Variants in GALNT15 observed in about 807,000 individuals in gnomAD.
The protein encoded by GALNT15 is UDP-GalNAc transferase T15.
In GALNT15, 67 loss-of-function variants were observed where a neutral mutation model predicts 66.8. That is an observed-to-expected ratio of 1.00 (90% CI 0.82 to 1.23). GALNT15 has a LOEUF of 1.23. Among genes scored for constraint, GALNT15 ranks in the 50% most tolerant of loss-of-function variants. The probability of loss-of-function intolerance (pLI) is 0.00; values close to 1 mark genes in which losing one functional copy is unlikely to be tolerated. For missense variants in GALNT15, 827 were observed against 804.3 expected (o/e 1.03, Z -0.34); for synonymous variants, 313 against 311.5 (o/e 1.00, Z -0.05).
downstream of GALNT15, among the ~76,000 whole-genome samples, chr3:16,235,971 G>T (rs997929835): frequency 6.6e-6 from 1 of 151,784 alleles, no homozygotes; most frequent in African/African-American, 2.4e-5. Context: ...TGGGCATGGT[G>T]GCGGGTGCCT....
rs1477233212 is a variant in GALNT15 at position 16,227,108 on chromosome 3, A to C, written c.1774-246A>C. Among the ~76,000 whole-genome samples the C allele has an allele frequency of 1.3e-5, 2 of 152,246 alleles. No homozygotes were observed. The highest frequency in any genetic ancestry group is 2.9e-5 in the Non-Finnish European group (2 of 68,042). On this transcript the variant is annotated intron_variant, in intron 9 of 9. Transcript: ENST00000339732. This position sits in a 1 kb window ranked among gnomAD's most constrained non-coding sequence, Gnocchi z 4.5. The stretch of plus-strand genomic sequence containing the variant: ...TATACTAACCATAACTTTCTAAGAA[A>C]TGGTGCAATTACACAACTACAATAA...
chr3:16,246,564 T>C, the GALNT15 span, among the ~76,000 whole-genome samples: 6,724 of 152,132 alleles, frequency 0.044, 200 homozygotes, highest in Middle Eastern at 0.088. Context: ...CCTCGTGATC[T>C]GCCCTCCTCG....
chr3:16,220,312 C>T (rs2063929657), intron 8 of GALNT15: 1 of 384,384 alleles, frequency 2.6e-6, no homozygotes, highest in Non-Finnish European at 4.9e-6. Context: ...GGCTTAGGGT[C>T]ACTAGCCCAG....
chr3:16,231,339 C>G (rs2064080099), downstream of GALNT15, among the ~76,000 whole-genome samples: 1 of 152,182 alleles, frequency 6.6e-6, no homozygotes, highest in Non-Finnish European at 1.5e-5. The surrounding 1 kb of genome is among the most constrained non-coding windows in gnomAD (Gnocchi z 4.1). Context: ...ATAATAGTCC[C>G]TCCAATCTCA....
chr3:16,234,480 G>C (rs1293392039), downstream of GALNT15, among the ~76,000 whole-genome samples: 3 of 152,142 alleles, frequency 2.0e-5, no homozygotes, highest in Non-Finnish European at 4.4e-5. Context: ...TCTCCCATGG[G>C]ATAGCTCTGA....
intron 1 of GALNT15, among the ~76,000 whole-genome samples, chr3:16,185,016 G>A (rs1303240620): frequency 6.6e-6 from 1 of 152,198 alleles, no homozygotes; most frequent in East Asian, 1.9e-4. Flanking sequence ...GCCATTAGAA[G>A]TTGGGCCGTC....
In GALNT15 at chr3:16,203,523, TC is replaced by T. The variant is rs1160313951; in HGVS notation, c.911+2701del. 4.4e-4 allele frequency among the ~76,000 whole-genome samples: 8 copies of T among 18,230 alleles called. No homozygotes were observed. Among genetic ancestry groups the T allele is most frequent in the East Asian group, 2.3e-3 (1 of 434 alleles). The allele number at this position is 18,230 out of a possible 152,430, so 12.0% of individuals were successfully genotyped here. ...CTCTCTGTCTCTTGGTCACTCATTC[TC>T]TCTCTCTCTCTCTCTCTCTCACACA... On this transcript the variant is annotated intron_variant, in intron 3 of 9. Coordinates refer to ENST00000339732, the MANE Select transcript of GALNT15 (RefSeq NM_054110.5). This position sits in a 1 kb window ranked among gnomAD's most constrained non-coding sequence, Gnocchi z 6.2.
In GALNT15 at chr3:16,225,843, C is replaced by T. The variant is rs943198815; in HGVS notation, c.1774-1511C>T. Among the ~76,000 whole-genome samples the T allele has an allele frequency of 2.0e-5, 3 of 152,100 alleles. No individual in the cohort carries two copies. The highest frequency in any genetic ancestry group is 3.4e-3 in the Middle Eastern group (1 of 294). On this transcript the variant is annotated intron_variant, in intron 9 of 9. Coordinates refer to ENST00000339732, the MANE Select transcript of GALNT15 (RefSeq NM_054110.5). This position sits in a 1 kb window ranked among gnomAD's most constrained non-coding sequence, Gnocchi z 4.4. ...CTTGAGGTCAGGAGTTCGAGACCAG[C>T]CTGGCCAATATGGGTTTTTAGTAGA...
chr3:16,177,178 A>C (rs2063419260), intron 1 of GALNT15, among the ~76,000 whole-genome samples: 1 of 152,192 alleles, frequency 6.6e-6, no homozygotes, highest in African/African-American at 2.4e-5. Flanking sequence ...GTACATCCCA[A>C]AGCCCAACAT....
intron 3 of GALNT15, among the ~76,000 whole-genome samples, chr3:16,207,468 C>A (rs546350507): frequency 3.6e-4 from 48 of 134,972 alleles, no homozygotes; most frequent in Middle Eastern, 8.8e-3. Context: ...ATGTCAATTT[C>A]TCACATCACT....
rs971509227 is a variant in GALNT15, at chr3:16,193,121, G to A, written c.540-2639G>A. ...CGATTTCAAAATAAAAAGTGGTAAAGTGGGAATTGAAAGAAAAAATTACTA... is the reference window on the plus strand; with the variant it reads ...CGATTTCAAAATAAAAAGTGGTAAAATGGGAATTGAAAGAAAAAATTACTA... On this transcript the variant is annotated intron_variant, in intron 1 of 9. Transcript: ENST00000339732. The surrounding 1 kb of genome is among the most constrained non-coding windows in gnomAD (Gnocchi z 4.7). Among the ~76,000 whole-genome samples, 2 of 152,218 alleles carry A rather than the reference G, an allele frequency of 1.3e-5. No homozygotes were observed. The highest frequency in any genetic ancestry group is 2.9e-5 in the Non-Finnish European group (2 of 68,020).
chr3:16,211,047 G>A lies in GALNT15; in HGVS notation c.1080-77G>A. 1 of 1,042,046 alleles carries A rather than the reference G, an allele frequency of 9.6e-7. No individual in the cohort carries two copies. Among genetic ancestry groups the A allele is most frequent in the Non-Finnish European group, 1.5e-6 (1 of 671,396 alleles). The allele number at this position is 1,042,046 out of a possible 1,614,324, so 64.5% of individuals were successfully genotyped here. A position where few individuals can be genotyped will look rare whatever the true frequency, so the allele number is the denominator to read the frequency against. ...TCTCAGCCACTGGAGCTCCCACCTG[G>A]GAAGCCCCAGCCCCCAGCCTCGCCT... On this transcript the variant is annotated intron_variant, in intron 4 of 9. Coordinates refer to ENST00000339732, the MANE Select transcript of GALNT15 (RefSeq NM_054110.5). This position sits in a 1 kb window ranked among gnomAD's most constrained non-coding sequence, Gnocchi z 4.3.
At chr3:16,216,327 G>A (rs1319059307) in intron 6 of GALNT15, among the ~76,000 whole-genome samples, 1 of 152,074 alleles carries the variant, frequency 6.6e-6, no homozygotes, top group Non-Finnish European at 1.5e-5. Context: ...GTGAAACCTT[G>A]TGTCTACAAA....
intron 8 of GALNT15, among the ~76,000 whole-genome samples, chr3:16,220,744 G>A (rs1206252439): frequency 6.6e-6 from 1 of 152,156 alleles, no homozygotes; most frequent in Non-Finnish European, 1.5e-5. Flanking sequence ...CAAAGATCTG[G>A]GGGGCAAAAG....
chr3:16,246,325 T>G, the GALNT15 span, among the ~76,000 whole-genome samples: 1 of 141,938 alleles, frequency 7.0e-6, no homozygotes. Context: ...AAAGTGGTTT[T>G]TTTTTTTTTT....
At chr3:16,223,691 CT>C (rs11293776) in intron 9 of GALNT15, among the ~76,000 whole-genome samples, 31,642 of 124,554 alleles carry the variant, frequency 0.25, 2,923 homozygotes, top group Middle Eastern at 0.33. Context: ...TCAAAGAAGT[CT>C]TTTTTTTTTT....
At chr3:16,205,558 G>A (rs1440279845) in intron 3 of GALNT15, among the ~76,000 whole-genome samples, 1 of 152,146 alleles carries the variant, frequency 6.6e-6, no homozygotes, top group Non-Finnish European at 1.5e-5. Context: ...CACAGGTGAG[G>A]GACTGACGAA....
At position 16,203,520 on chromosome 3, in the gene GALNT15, TTCTCTCTC is replaced by T. The variant is rs56306167; in HGVS notation, c.911+2714_911+2721del. Among the ~76,000 whole-genome samples, 4,877 of 114,162 alleles carry T rather than the reference TTCTCTCTC, an allele frequency of 0.043. 142 individuals carry two copies. The highest frequency in any genetic ancestry group is 0.061 in the Admixed American group (678 of 11,056). 74.9% of individuals were successfully genotyped at this position (114,162 alleles called of 152,430 possible). On this transcript the variant is annotated intron_variant, in intron 3 of 9. Coordinates refer to ENST00000339732, the MANE Select transcript of GALNT15 (RefSeq NM_054110.5). The surrounding 1 kb of genome is among the most constrained non-coding windows in gnomAD (Gnocchi z 6.2). ...TCTCTCTCTGTCTCTTGGTCACTCA[TTCTCTCTC>T]TCTCTCTCTCTCTCTCACACACACA...
Position 16,200,711 on chromosome 3 carries a change from C to T in GALNT15, c.799C>T (p.Arg267Trp), listed in dbSNP as rs745413922. 13 of 1,611,212 alleles carry T rather than the reference C, an allele frequency of 8.1e-6. No homozygotes were observed. The highest frequency in any genetic ancestry group is 5.3e-5 in the African/African-American group (4 of 74,768). Residue 267 changes from arginine to tryptophan, a missense_variant, in exon 3 of 10, where the codon CGG becomes TGG. Transcript: ENST00000339732. The surrounding 1 kb of genome is among the most constrained non-coding windows in gnomAD (Gnocchi z 4.4). Reference sequence around the variant, plus strand: ...CAAGAGGCTGGGTGCCATCAGGGCCCGGATGCTGGGGGCCACCAGAGCCAC... The same window carrying T: ...CAAGAGGCTGGGTGCCATCAGGGCCTGGATGCTGGGGGCCACCAGAGCCAC... ...SNKRLGAIRA[R>W]MLGATRATGD... is the part of the protein sequence containing the mutation.
Sources: allele counts gnomAD v4.1 joint callset (sites outside exome capture counted in the v4.1 genomes callset), GRCh38; gene constraint gnomAD v4.1.1; non-coding constraint Gnocchi (gnomAD v3.1); transcripts MANE v1.5; gene names NCBI Gene and HGNC (gene_info 2026-07-23, HGNC 2026-07-21).